The following RPS6KC1 variants were observed in gnomAD, a reference collection of about 807,000 sequenced individuals.
The protein encoded by RPS6KC1 is inactive ribosomal protein S6 kinase delta-1.
In RPS6KC1, 54 loss-of-function variants were observed where a neutral mutation model predicts 103.8. The observed-to-expected ratio is 0.52, with a 90% CI of 0.42 to 0.65. The LOEUF (loss-of-function observed/expected upper bound fraction) is 0.65, where lower values mean the gene tolerates loss of function less well. Ranked by LOEUF, RPS6KC1 falls within the 30% of genes least tolerant of loss-of-function variation. RPS6KC1 has a pLI of 0.00. For synonymous variants in RPS6KC1, 439 were observed against 438.7 expected, an observed-to-expected ratio of 1.00 and a Z score of -0.01; for missense variants, 1,151 against 1,253.8, an observed-to-expected ratio of 0.92 and a Z score of 1.24.
chr1:213,519,138 T>G, the RPS6KC1 span, among the ~76,000 whole-genome samples: 1 of 152,208 alleles, frequency 6.6e-6, no homozygotes, highest in Non-Finnish European at 1.5e-5. Context: ...TATTCCACCC[T>G]GGAACTTAAT....
chr1:213,548,220 G>A, the RPS6KC1 span, among the ~76,000 whole-genome samples: 1 of 152,148 alleles, frequency 6.6e-6, no homozygotes, highest in African/African-American at 2.4e-5. Context: ...ACTGTGTTGG[G>A]CAAAGAAATT....
downstream of RPS6KC1, among the ~76,000 whole-genome samples, chr1:213,278,128 C>T (rs2095115646): frequency 6.6e-6 from 1 of 151,756 alleles, no homozygotes; most frequent in East Asian, 1.9e-4. Flanking sequence ...TTCCTTGAGC[C>T]CGGGAGGTCA....
the RPS6KC1 span, among the ~76,000 whole-genome samples, chr1:213,752,618 G>A: frequency 6.6e-6 from 1 of 152,094 alleles, no homozygotes; most frequent in Non-Finnish European, 1.5e-5. Context: ...ATTGATCCAT[G>A]GAGGGAAAAA....
At chr1:213,448,580 C>T in the RPS6KC1 span, among the ~76,000 whole-genome samples, 5 of 152,044 alleles carry the variant, frequency 3.3e-5, no homozygotes, top group African/African-American at 1.2e-4. Flanking sequence ...GTCCCAGCGC[C>T]GGTGGGGAGC....
At chr1:213,628,540 A>C in the RPS6KC1 span, among the ~76,000 whole-genome samples, 1 of 152,016 alleles carries the variant, frequency 6.6e-6, no homozygotes, top group Non-Finnish European at 1.5e-5. Context: ...GGTTAGTTAC[A>C]TATGTATACA....
At chr1:213,452,113 C>T in the RPS6KC1 span, among the ~76,000 whole-genome samples, 2 of 152,204 alleles carry the variant, frequency 1.3e-5, no homozygotes, top group Non-Finnish European at 2.9e-5. Flanking sequence ...TGTTCCCTCA[C>T]ACTTTTGAAT....
chr1:213,192,706 T>G (rs1434845581), intron 8 of RPS6KC1, among the ~76,000 whole-genome samples: 1 of 152,188 alleles, frequency 6.6e-6, no homozygotes, highest in Non-Finnish European at 1.5e-5. Flanking sequence ...TCAAGTTTAT[T>G]TCTGCTCTAA....
At chr1:213,116,124 C>T (rs370798673) in intron 4 of RPS6KC1, among the ~76,000 whole-genome samples, 19 of 151,790 alleles carry the variant, frequency 1.3e-4, no homozygotes, top group African/African-American at 2.9e-4. Flanking sequence ...CTTTCTGTCT[C>T]GTTGATCTGT....
At chr1:213,289,781 T>G in the RPS6KC1 span, among the ~76,000 whole-genome samples, 6 of 152,178 alleles carry the variant, frequency 3.9e-5, no homozygotes, top group Non-Finnish European at 8.8e-5. Context: ...GGCTCATGCC[T>G]GTAATCCCAG....
chr1:213,355,307 G>A, the RPS6KC1 span, among the ~76,000 whole-genome samples: 2 of 152,128 alleles, frequency 1.3e-5, no homozygotes, highest in South Asian at 4.1e-4. Context: ...AAGAAGGCTG[G>A]CGGGATGTAC....
At chr1:213,657,454 T>C in the RPS6KC1 span, among the ~76,000 whole-genome samples, 2 of 152,142 alleles carry the variant, frequency 1.3e-5, no homozygotes, top group African/African-American at 4.8e-5. Context: ...TATTTAATTA[T>C]TTAAAAAAAT....
intron 8 of RPS6KC1, among the ~76,000 whole-genome samples, chr1:213,210,420 AC>A: frequency 6.6e-6 from 1 of 152,338 alleles, no homozygotes; most frequent in Non-Finnish European, 1.5e-5. Context: ...AAAATATATT[AC>A]ACTTGAAGCA....
At chr1:213,817,820 G>T in the RPS6KC1 span, 2 of 151,866 alleles carry the variant, frequency 1.3e-5, no homozygotes, top group African/African-American at 2.4e-5. Flanking sequence ...CAAATTGAAG[G>T]TATGTGTAAC....
At chr1:213,647,319 A>G in the RPS6KC1 span, among the ~76,000 whole-genome samples, 1 of 152,174 alleles carries the variant, frequency 6.6e-6, no homozygotes, top group Admixed American at 6.5e-5. Flanking sequence ...ATAGCCAAAT[A>G]CCAATAGTGG....
the RPS6KC1 span, among the ~76,000 whole-genome samples, chr1:213,530,035 A>T: frequency 2.7e-4 from 2 of 7,534 alleles, no homozygotes; most frequent in South Asian, 0.019. Context: ...CACTTCTTTT[A>T]TTATTATTAT....
intron 14 of RPS6KC1, among the ~76,000 whole-genome samples, chr1:213,272,036 C>T (rs1358629395): frequency 3.3e-5 from 5 of 152,100 alleles, no homozygotes; most frequent in Non-Finnish European, 1.5e-5. Context: ...ATGCCAAAGA[C>T]TAGTGATTTT....
chr1:213,667,861 C>G, the RPS6KC1 span, among the ~76,000 whole-genome samples: 1 of 152,196 alleles, frequency 6.6e-6, no homozygotes, highest in African/African-American at 2.4e-5. Context: ...TAGATTCCAT[C>G]TCAAGAAACC....
chr1:213,782,754 T>G, the RPS6KC1 span, among the ~76,000 whole-genome samples: 1 of 152,104 alleles, frequency 6.6e-6, no homozygotes, highest in Non-Finnish European at 1.5e-5. Flanking sequence ...AGTCAAATTT[T>G]GCTATAATCA....
the RPS6KC1 span, among the ~76,000 whole-genome samples, chr1:213,362,552 C>G: frequency 6.6e-6 from 1 of 152,330 alleles, no homozygotes; most frequent in Non-Finnish European, 1.5e-5. Context: ...AGTCAGCACT[C>G]TTTCCTCAAC....
Sources: allele counts gnomAD v4.1 joint callset (sites outside exome capture counted in the v4.1 genomes callset), GRCh38; gene constraint gnomAD v4.1.1; transcripts MANE v1.5; gene names NCBI Gene and HGNC (gene_info 2026-07-23, HGNC 2026-07-21).